The following TTBK2 variants were observed in gnomAD, a reference collection of about 807,000 sequenced individuals.
TTBK2 encodes tau tubulin kinase 2.
A neutral mutation model predicts 110.8 loss-of-function variants in TTBK2; 28 were observed. The ratio of observed to expected loss-of-function variants is 0.25; its 90% confidence interval spans 0.19 to 0.35. TTBK2 has a LOEUF of 0.35. Among genes scored for constraint, TTBK2 ranks in the 10% least tolerant of loss-of-function variants. The pLI, the probability that TTBK2 is intolerant of heterozygous loss-of-function variation, is 1.00. For missense variants in TTBK2, 1,369 were observed against 1,500.3 expected (o/e 0.91, Z 1.45); for synonymous variants, 532 against 527.3 (o/e 1.01, Z -0.12).
intron 9 of TTBK2, among the ~76,000 whole-genome samples, chr15:42,795,713 C>T (rs557747366): frequency 4.6e-5 from 7 of 151,730 alleles, no homozygotes; most frequent in Non-Finnish European, 8.8e-5. Context: ...TGTGGTGGTA[C>T]ACGCCTGTAA....
At chr15:42,889,392 G>T (rs978562918) in intron 1 of TTBK2, among the ~76,000 whole-genome samples, 1 of 152,044 alleles carries the variant, frequency 6.6e-6, no homozygotes, top group African/African-American at 2.4e-5. Flanking sequence ...CCTCAGTTTG[G>T]CCTTCCCACC....
chr15:42,765,070 G>A (rs1461609000), intron 13 of TTBK2, among the ~76,000 whole-genome samples: 1 of 152,182 alleles, frequency 6.6e-6, no homozygotes, highest in Non-Finnish European at 1.5e-5. Context: ...CTAACAAACA[G>A]AAAGGACATC....
At chr15:42,794,092 G>A (rs1595916695) in intron 10 of TTBK2, among the ~76,000 whole-genome samples, 1 of 127,758 alleles carries the variant, frequency 7.8e-6, no homozygotes, top group African/African-American at 2.9e-5. Flanking sequence ...AACCAAAGCA[G>A]GTAAAAAATT....
chr15:42,846,852 G>GC (rs1893489081), intron 3 of TTBK2, among the ~76,000 whole-genome samples: 1 of 152,100 alleles, frequency 6.6e-6, no homozygotes, highest in Non-Finnish European at 1.5e-5. Context: ...GCTCTATAAA[G>GC]ACTCTTGAAC....
Position 42,752,278 on chromosome 15 carries a change from A to C in TTBK2, c.2968T>G (p.Ser990Ala). The C allele has an allele frequency of 6.2e-7, 1 of 1,614,152 alleles. No homozygotes were observed. Among genetic ancestry groups the C allele is most frequent in the Non-Finnish European group, 8.5e-7 (1 of 1,180,034 alleles). ...GCACTTGAGAGGTCGCCAAGGAAGG[A>C]CTTGAATTGTCTTTTTTCCACCAGA... is the stretch of plus-strand genomic sequence containing the variant. ...KLLVEKRQFK[S>A]FLGDLSSASD... Residue 990 changes from serine to alanine, a missense_variant, in exon 14 of 15, where the codon TCC becomes GCC. This residue lies in a region of TTBK2 where 1,097 missense variants were observed against 1,114.7 expected (regional missense o/e 0.98). Coordinates refer to ENST00000267890, the MANE Select transcript of TTBK2 (RefSeq NM_173500.4).
At chr15:42,911,732 T>C (rs1371541902) in intron 1 of TTBK2, among the ~76,000 whole-genome samples, 2 of 152,220 alleles carry the variant, frequency 1.3e-5, no homozygotes, top group Non-Finnish European at 2.9e-5. Context: ...ATTATTGTTT[T>C]AGCCTCTAAA....
intron 1 of TTBK2, among the ~76,000 whole-genome samples, chr15:42,913,448 A>G (rs141998787): frequency 0.058 from 8,811 of 151,870 alleles, 801 homozygotes; most frequent in African/African-American, 0.19. Flanking sequence ...GACCATCCTG[A>G]TTAACACGGT....
intron 14 of TTBK2, among the ~76,000 whole-genome samples, chr15:42,750,898 A>G (rs1198378214): frequency 2.0e-5 from 3 of 152,224 alleles, no homozygotes; most frequent in Admixed American, 2.0e-4. Flanking sequence ...AGAAACATTG[A>G]GGCTGGAAGT....
At position 42,743,857 on chromosome 15, in the gene TTBK2, G is replaced by A. The variant is rs1361177241; in HGVS notation, c.*1938C>T. 2 of 152,182 alleles carry A rather than the reference G, an allele frequency of 1.3e-5. No homozygotes were observed. Among genetic ancestry groups the A allele is most frequent in the East Asian group, 3.8e-4 (2 of 5,202 alleles). The allele number at this position is 152,182 out of a possible 1,614,324, so 9.4% of individuals were successfully genotyped here. On this transcript the variant is annotated 3_prime_UTR_variant, in exon 15 of 15. Transcript: ENST00000267890. ...TGCCAAGAACATAGTTTCAGAAAAT[G>A]AAGATAGGCAAGGCCCAAGTGTACA...
rs550820457 is a variant in TTBK2, at chr15:42,882,013, G to A, written c.-67-3329C>T. 4.6e-5 allele frequency among the ~76,000 whole-genome samples: 7 copies of A among 152,242 alleles called. No homozygotes were observed. In the South Asian group the frequency reaches 1.5e-3, roughly 32 times the overall value. On this transcript the variant is annotated intron_variant, in intron 1 of 14. Coordinates refer to ENST00000267890, the MANE Select transcript of TTBK2 (RefSeq NM_173500.4). ...GATAAATCTATAGCAATTACACAATGTGAAGATAAAATATTTTTATAAATG... is the reference window on the plus strand; with the variant it reads ...GATAAATCTATAGCAATTACACAATATGAAGATAAAATATTTTTATAAATG...
At chr15:42,797,831 G>T (rs988956509) in intron 9 of TTBK2, among the ~76,000 whole-genome samples, 1 of 151,882 alleles carries the variant, frequency 6.6e-6, no homozygotes, top group Non-Finnish European at 1.5e-5. Context: ...ATATGTGTGT[G>T]CCTGTTAAAT....
intron 13 of TTBK2, among the ~76,000 whole-genome samples, chr15:42,763,194 T>TATATA (rs1567009148): frequency 2.5e-4 from 1 of 4,076 alleles, no homozygotes. Context: ...ATATATATAT[T>TATATA]TTTTTTTTTT....
At chr15:42,894,875 A>G (rs1311134878) in intron 1 of TTBK2, among the ~76,000 whole-genome samples, 1 of 152,244 alleles carries the variant, frequency 6.6e-6, no homozygotes, top group African/African-American at 2.4e-5. Flanking sequence ...ACAATCCGGT[A>G]TGGTTTATCC....
At chr15:42,784,918 T>A (rs1890341650) in intron 10 of TTBK2, among the ~76,000 whole-genome samples, 1 of 152,146 alleles carries the variant, frequency 6.6e-6, no homozygotes, top group Non-Finnish European at 1.5e-5. Context: ...TTGTAAGAAA[T>A]TAAATTCTTG....
chr15:42,823,878 T>G (rs1305276430), intron 6 of TTBK2, among the ~76,000 whole-genome samples: 2 of 152,016 alleles, frequency 1.3e-5, no homozygotes, highest in African/African-American at 2.4e-5. Context: ...GGCTGAAAAT[T>G]TATAAAGAAG....
chr15:42,783,864 C>G (rs943270497), intron 10 of TTBK2, among the ~76,000 whole-genome samples: 1 of 151,780 alleles, frequency 6.6e-6, no homozygotes, highest in African/African-American at 2.4e-5. Context: ...GAGTTCAAGA[C>G]CAGCCTGGCC....
intron 7 of TTBK2, among the ~76,000 whole-genome samples, chr15:42,815,958 A>AATATATATATATATATATATATATAT (rs1555427628): frequency 4.4e-5 from 4 of 91,692 alleles, no homozygotes; most frequent in South Asian, 3.4e-4. Flanking sequence ...TTAAAAAAAA[A>AATATATATATATATATATATATATAT]ATATATATAT....
chr15:42,766,205 C>A (rs1889363943), intron 13 of TTBK2, among the ~76,000 whole-genome samples: 1 of 151,920 alleles, frequency 6.6e-6, no homozygotes, highest in South Asian at 2.1e-4. Flanking sequence ...GAAGAAACTG[C>A]ATCAACTAAC....
At chr15:42,800,272 C>T (rs2140889665) in intron 9 of TTBK2, 1 of 436,390 alleles carries the variant, frequency 2.3e-6, no homozygotes, top group Non-Finnish European at 4.5e-6. Context: ...AATAAATTGA[C>T]TATATACCTA....
Sources: allele counts gnomAD v4.1 joint callset (sites outside exome capture counted in the v4.1 genomes callset), GRCh38; gene constraint gnomAD v4.1.1; regional missense constraint gnomAD v4.1.1; transcripts MANE v1.5; gene names NCBI Gene and HGNC (gene_info 2026-07-23, HGNC 2026-07-21).